Variants in KIAA1958 observed in about 807,000 individuals in gnomAD.
KIAA1958 encodes the protein uncharacterized protein KIAA1958.
A neutral mutation model predicts 47.2 loss-of-function variants in KIAA1958; 14 were observed. That is an observed-to-expected ratio of 0.30 (90% CI 0.20 to 0.46). The LOEUF (loss-of-function observed/expected upper bound fraction) is 0.46, where lower values mean the gene tolerates loss of function less well. KIAA1958 is among the 20% of genes least tolerant of loss of function. The pLI, the probability that KIAA1958 is intolerant of heterozygous loss-of-function variation, is 1.00. For synonymous variants in KIAA1958, 354 were observed against 353.3 expected (o/e 1.00, Z -0.02); for missense variants, 803 against 909.2 (o/e 0.88, Z 1.50).
chr9:112,645,718 A>T lies in KIAA1958; in HGVS notation c.1240A>T (p.Ser414Cys). 1 of 1,613,904 alleles carries T rather than the reference A, an allele frequency of 6.2e-7. No individual in the cohort carries two copies. The change falls in exon 3 of 4, where the codon AGT becomes TGT. Residue 414 changes from serine to cysteine, a missense_variant. Ser to Cys is a moderately radical substitution (Grantham distance 112). Around this residue, in one of 2 missense-constraint regions of KIAA1958, gnomAD observed 761 missense variants for 829.3 expected, o/e 0.92. Transcript: ENST00000337530. ...TGATGACTTGAATGATCTGTGTACC[A>T]GTGCAGTAAGCCCAAATACTACCAA... Reference protein sequence around the residue: ...INDDLNDLCTSAVSPNTTKAT... With the variant: ...INDDLNDLCTCAVSPNTTKAT...
chr9:112,540,409 G>A (rs1199206276), intron 1 of KIAA1958, among the ~76,000 whole-genome samples: 1 of 152,142 alleles, frequency 6.6e-6, no homozygotes, highest in East Asian at 1.9e-4. Context: ...GATAGATAAA[G>A]CAAAGATGGC....
At chr9:112,614,372 C>T (rs1179074850) in intron 2 of KIAA1958, among the ~76,000 whole-genome samples, 1 of 152,080 alleles carries the variant, frequency 6.6e-6, no homozygotes, top group Non-Finnish European at 1.5e-5. Flanking sequence ...AAATTAATCA[C>T]ATGCACTTAA....
At chr9:112,646,226 T>A (rs182189971) in intron 3 of KIAA1958, among the ~76,000 whole-genome samples, 11 of 152,330 alleles carry the variant, frequency 7.2e-5, no homozygotes, top group Admixed American at 7.2e-4. Context: ...CATATCTTGG[T>A]ATCATGGACA....
At chr9:112,648,812 A>G (rs1276292786) in intron 3 of KIAA1958, among the ~76,000 whole-genome samples, 1 of 152,248 alleles carries the variant, frequency 6.6e-6, no homozygotes. Flanking sequence ...CACAAGAGAT[A>G]AAATTCACAA....
Position 112,519,917 on chromosome 9 carries a change from AATAC to A in KIAA1958, c.-25+32802_-25+32805del, listed in dbSNP as rs1011951139. Among the ~76,000 whole-genome samples, 196 of 152,304 alleles carry A rather than the reference AATAC, an allele frequency of 1.3e-3. 3 individuals are homozygous for A. The highest frequency in any genetic ancestry group is 4.4e-3 in the African/African-American group (185 of 41,586). ...TAGTATTTCAGTAAGTGCTGATATA[AATAC>A]ATCAGCTTGTCTCTTGTTCCTAATT... On this transcript the variant is annotated intron_variant, in intron 1 of 3. Coordinates refer to ENST00000337530, the MANE Select transcript of KIAA1958 (RefSeq NM_133465.4).
At chr9:112,518,627 T>A (rs915037567) in intron 1 of KIAA1958, among the ~76,000 whole-genome samples, 4 of 152,198 alleles carry the variant, frequency 2.6e-5, no homozygotes, top group African/African-American at 9.7e-5. Context: ...GAGTGATGTG[T>A]ATGTTCGTTT....
intron 1 of KIAA1958, among the ~76,000 whole-genome samples, chr9:112,572,159 G>A (rs1191413865): frequency 6.6e-6 from 1 of 151,924 alleles, no homozygotes; most frequent in Non-Finnish European, 1.5e-5. Context: ...ACTCTTCTGC[G>A]TATACAGGGT....
At chr9:112,502,512 G>T (rs1834160148) in intron 1 of KIAA1958, among the ~76,000 whole-genome samples, 1 of 152,162 alleles carries the variant, frequency 6.6e-6, no homozygotes, top group Non-Finnish European at 1.5e-5. Context: ...ACTTGCACTG[G>T]CACCAGCCCT....
chr9:112,653,977 A>G (rs786990), intron 3 of KIAA1958, among the ~76,000 whole-genome samples: 101,510 of 152,042 alleles, frequency 0.67, 36,064 homozygotes, highest in African/African-American at 0.92. Context: ...TGGAATTCAC[A>G]CACTGTCACT....
chr9:112,569,592 T>C (rs1835496640), intron 1 of KIAA1958, among the ~76,000 whole-genome samples: 1 of 151,538 alleles, frequency 6.6e-6, no homozygotes, highest in East Asian at 1.9e-4. Flanking sequence ...ACAAACTTTA[T>C]TGGTAACACT....
intron 1 of KIAA1958, among the ~76,000 whole-genome samples, chr9:112,566,669 C>G (rs988065853): frequency 6.6e-6 from 1 of 152,204 alleles, no homozygotes; most frequent in Non-Finnish European, 1.5e-5. Context: ...TATTTCAACT[C>G]CTTTTCTTTT....
intron 1 of KIAA1958, among the ~76,000 whole-genome samples, chr9:112,538,136 G>A (rs1834886043): frequency 6.6e-6 from 1 of 152,092 alleles, no homozygotes; most frequent in East Asian, 1.9e-4. Flanking sequence ...TTCGAGACTA[G>A]CCTGGGCAAC....
chr9:112,659,683 C>T lies in KIAA1958; in HGVS notation c.1765C>T (p.Pro589Ser). The T allele has an allele frequency of 6.2e-7, 1 of 1,614,182 alleles. No individual in the cohort carries two copies. The highest frequency in any genetic ancestry group is 8.5e-7 in the Non-Finnish European group (1 of 1,180,040). The change falls in exon 4 of 4, where the codon CCC (proline) becomes TCC (serine). Residue 589 changes from proline to serine, a missense_variant. By Grantham distance (74) the Pro-to-Ser change is moderately conservative. Transcript: ENST00000337530. Reference protein sequence around the residue: ...MYGDIELLKDPQNQPYFARTD... With the variant: ...MYGDIELLKDSQNQPYFARTD... Reference sequence around the variant, plus strand: ...TGGTGACATCGAGCTGCTCAAAGACCCCCAAAACCAGCCCTACTTTGCCCG... The same window carrying T: ...TGGTGACATCGAGCTGCTCAAAGACTCCCAAAACCAGCCCTACTTTGCCCG...
At chr9:112,620,522 C>G (rs1158168571) in intron 2 of KIAA1958, among the ~76,000 whole-genome samples, 1 of 152,190 alleles carries the variant, frequency 6.6e-6, no homozygotes, top group Non-Finnish European at 1.5e-5. Context: ...AAGACCCGTT[C>G]CTCTAAGCTG....
At position 112,663,517 on chromosome 9, in the gene KIAA1958, T is replaced by C. The variant is rs1394877000; in HGVS notation, c.*3448T>C. 6.6e-6 allele frequency: 1 copy of C among 152,162 alleles called. No homozygotes were observed. The highest frequency in any genetic ancestry group is 2.4e-5 in the African/African-American group (1 of 41,418). 9.4% of individuals were successfully genotyped at this position (152,162 alleles called of 1,614,324 possible). ...TTAAACTTGAAGAAGAAACCAAACATGATAATCTGGTCAAGTTAACACATT... is the reference window on the plus strand; with the variant it reads ...TTAAACTTGAAGAAGAAACCAAACACGATAATCTGGTCAAGTTAACACATT... On this transcript the variant is annotated 3_prime_UTR_variant, in exon 4 of 4. Transcript: ENST00000337530.
At chr9:112,567,959 C>CAAAAAAAAA (rs35931681) in intron 1 of KIAA1958, among the ~76,000 whole-genome samples, 3 of 66,178 alleles carry the variant, frequency 4.5e-5, no homozygotes, top group African/African-American at 1.3e-4. Flanking sequence ...GAATCCATCT[C>CAAAAAAAAA]AAAAAAAAAA....
chr9:112,607,582 G>T lies in KIAA1958; in HGVS notation c.1171+32331G>T, dbSNP rs1836256237. On this transcript the variant is annotated intron_variant, in intron 2 of 3. Coordinates refer to ENST00000337530, the MANE Select transcript of KIAA1958 (RefSeq NM_133465.4). The stretch of plus-strand genomic sequence containing the variant: ...TACACTTGCCAACTTTGAGGGAAGT[G>T]GTCTGCCGGTGAGACAAGGCAATGG... 2.0e-5 allele frequency among the ~76,000 whole-genome samples: 3 copies of T among 152,086 alleles called. No homozygotes were observed. The South Asian group carries it at 6.2e-4, about 32-fold the overall frequency.
chr9:112,618,312 A>G lies in KIAA1958; in HGVS notation c.1172-27338A>G. 6.4e-7 allele frequency: 1 copy of G among 1,551,144 alleles called. No homozygotes were observed. Among genetic ancestry groups the G allele is most frequent in the Non-Finnish European group, 8.7e-7 (1 of 1,147,114 alleles). Reference sequence around the variant, plus strand: ...AAAAGGGGACTGCTAAGCCGATATAACCCCGAGGGTTTGCTCAACCTAGTC... The same window carrying G: ...AAAAGGGGACTGCTAAGCCGATATAGCCCCGAGGGTTTGCTCAACCTAGTC... On this transcript the variant is annotated intron_variant, in intron 2 of 3. Coordinates refer to ENST00000337530, the MANE Select transcript of KIAA1958 (RefSeq NM_133465.4). The surrounding 1 kb of genome is among the most constrained non-coding windows in gnomAD (Gnocchi z 7.1).
At chr9:112,603,133 G>A (rs745335421) in intron 2 of KIAA1958, among the ~76,000 whole-genome samples, 24 of 152,242 alleles carry the variant, frequency 1.6e-4, no homozygotes, top group Non-Finnish European at 3.2e-4. Flanking sequence ...TATGGAAGAA[G>A]TAACAAATAG....
Sources: allele counts gnomAD v4.1 joint callset (sites outside exome capture counted in the v4.1 genomes callset), GRCh38; gene constraint gnomAD v4.1.1; regional missense constraint gnomAD v4.1.1; non-coding constraint Gnocchi (gnomAD v3.1); transcripts MANE v1.5; gene names NCBI Gene and HGNC (gene_info 2026-07-23, HGNC 2026-07-21).